The following FBXW10B variants were observed in gnomAD, a reference collection of about 807,000 sequenced individuals.
The protein encoded by FBXW10B is F-box and WD repeat domain containing 10B.
the FBXW10B span, chr17:15,619,562 C>A: frequency 6.3e-7 from 1 of 1,583,476 alleles, no homozygotes; most frequent in Non-Finnish European, 8.6e-7. Flanking sequence ...GCAACGGCAA[C>A]GCCACCAAAC....
chr17:15,565,984 C>T, the FBXW10B span: 1 of 1,610,964 alleles, frequency 6.2e-7, no homozygotes, highest in Non-Finnish European at 8.5e-7. Context: ...GGACTGGGCT[C>T]TAGGACTGTG....
chr17:15,619,519 A>G, the FBXW10B span: 2 of 1,610,702 alleles, frequency 1.2e-6, no homozygotes, highest in African/African-American at 1.3e-5. Context: ...CCATGATCCT[A>G]AGATAACCAG....
chr17:15,580,779 C>G, the FBXW10B span, among the ~76,000 whole-genome samples: 3 of 151,088 alleles, frequency 2.0e-5, no homozygotes, highest in Non-Finnish European at 4.4e-5. Flanking sequence ...CTGTTTTGTT[C>G]ACTGCTGTAC....
chr17:15,615,793 G>A, the FBXW10B span: 5 of 1,613,906 alleles, frequency 3.1e-6, no homozygotes, highest in South Asian at 5.5e-5. Context: ...ACACATCTGT[G>A]ATGTCTTGAT....
the FBXW10B span, among the ~76,000 whole-genome samples, chr17:15,585,984 C>A: frequency 6.9e-6 from 1 of 144,306 alleles, no homozygotes; most frequent in East Asian, 2.0e-4. Context: ...GGATCTTGAT[C>A]CCATTTGTTG....
At chr17:15,569,337 G>A in the FBXW10B span, among the ~76,000 whole-genome samples, 1 of 151,788 alleles carries the variant, frequency 6.6e-6, no homozygotes, top group African/African-American at 2.4e-5. Flanking sequence ...TTCTGACTGG[G>A]GTAAAATGAT....
At chr17:15,569,824 C>T in the FBXW10B span, among the ~76,000 whole-genome samples, 1 of 152,152 alleles carries the variant, frequency 6.6e-6, no homozygotes, top group Admixed American at 6.5e-5. Flanking sequence ...ATCTTTCTGT[C>T]TTGGCCTCCC....
the FBXW10B span, among the ~76,000 whole-genome samples, chr17:15,587,092 T>G: frequency 6.6e-6 from 1 of 151,556 alleles, no homozygotes; most frequent in Non-Finnish European, 1.5e-5. Context: ...CCCGCACTGT[T>G]AAACCATCCC....
At chr17:15,565,674 G>C in the FBXW10B span, 1 of 1,614,200 alleles carries the variant, frequency 6.2e-7, no homozygotes, top group Non-Finnish European at 8.5e-7. Context: ...TGGACTCCCT[G>C]GCCTGATATT....
At chr17:15,574,060 A>G in the FBXW10B span, 12 of 688,692 alleles carry the variant, frequency 1.7e-5, 1 homozygote, top group South Asian at 1.4e-4. Context: ...TGGGAGAGGA[A>G]TGTCTCGTCT....
chr17:15,601,068 A>AAAAAAAAAAAAT, the FBXW10B span, among the ~76,000 whole-genome samples: 2 of 146,992 alleles, frequency 1.4e-5, no homozygotes, highest in Non-Finnish European at 3.0e-5. Context: ...AAAAAAAAAA[A>AAAAAAAAAAAAT]AAGATAATAT....
At chr17:15,594,931 C>T in the FBXW10B span, 2 of 1,610,836 alleles carry the variant, frequency 1.2e-6, no homozygotes, top group Non-Finnish European at 1.7e-6. Flanking sequence ...CAGACTGTGA[C>T]TCCTCCAAGA....
At chr17:15,594,359 C>G in the FBXW10B span, among the ~76,000 whole-genome samples, 5 of 151,106 alleles carry the variant, frequency 3.3e-5, no homozygotes, top group Middle Eastern at 3.4e-3. Context: ...GTAGTCCCAG[C>G]TACTCAGAAG....
chr17:15,582,015 T>TAA, the FBXW10B span, among the ~76,000 whole-genome samples: 1 of 151,968 alleles, frequency 6.6e-6, no homozygotes, highest in African/African-American at 2.4e-5. Context: ...AAAGGACTAA[T>TAA]AAAAAAAACA....
At chr17:15,576,185 A>T in the FBXW10B span, among the ~76,000 whole-genome samples, 39 of 152,132 alleles carry the variant, frequency 2.6e-4, no homozygotes, top group African/African-American at 9.2e-4. Flanking sequence ...TTATATATAT[A>T]TTTTTAGTGA....
At chr17:15,619,175 G>A in the FBXW10B span, 1 of 1,613,986 alleles carries the variant, frequency 6.2e-7, no homozygotes, top group Non-Finnish European at 8.5e-7. Context: ...CTGTTCTACT[G>A]TTTTATCCAA....
At chr17:15,615,177 A>T in the FBXW10B span, among the ~76,000 whole-genome samples, 521 of 151,550 alleles carry the variant, frequency 3.4e-3, 1 homozygote, top group Middle Eastern at 0.024. Context: ...TTAGATGGGA[A>T]AGTAATGTCA....
chr17:15,604,587 T>G, the FBXW10B span, among the ~76,000 whole-genome samples: 1 of 152,118 alleles, frequency 6.6e-6, no homozygotes, highest in East Asian at 1.9e-4. Flanking sequence ...CAGTCTGGAG[T>G]GCAGTGGCGC....
chr17:15,604,063 C>T, the FBXW10B span, among the ~76,000 whole-genome samples: 5 of 140,014 alleles, frequency 3.6e-5, no homozygotes, highest in East Asian at 1.0e-3. Flanking sequence ...CTGGGTGACA[C>T]AGTGAGACTC....
Sources: gnomAD v4.1 joint callset for allele counts (sites outside exome capture counted in the v4.1 genomes callset) on GRCh38, gnomAD v4.1.1 for gene constraint, MANE v1.5 for transcripts, NCBI Gene and HGNC (gene_info 2026-07-23, HGNC 2026-07-21) for gene names.